NLGN1: variants seen among roughly 807,000 people sequenced by gnomAD.
The protein encoded by NLGN1 is neuroligin-1.
Under a neutral mutation model 65.5 loss-of-function variants are expected in NLGN1, and 12 were observed. The ratio of observed to expected loss-of-function variants is 0.18; its 90% CI spans 0.12 to 0.30. The LOEUF is 0.30. Among genes scored for constraint, NLGN1 ranks in the 10% least tolerant of loss-of-function variants. The pLI is 1.00. For missense variants in NLGN1, 750 were observed against 1,007.1 expected, an observed-to-expected ratio of 0.74 and a Z score of 3.46; for synonymous variants, 350 against 359.5, an observed-to-expected ratio of 0.97 and a Z score of 0.30.
At chr3:174,022,440 AAG>A (rs1358005013) in intron 4 of NLGN1, among the ~76,000 whole-genome samples, 1 of 152,126 alleles carries the variant, frequency 6.6e-6, no homozygotes, top group Non-Finnish European at 1.5e-5. Context: ...TGGAAGATGA[AAG>A]AGAGAGTCAT....
At chr3:173,590,413 G>A (rs1340453953) in intron 2 of NLGN1, among the ~76,000 whole-genome samples, 1 of 152,014 alleles carries the variant, frequency 6.6e-6, no homozygotes, top group Non-Finnish European at 1.5e-5. Context: ...TTCACGCCAC[G>A]GTCTTTAATA....
At chr3:174,021,636 C>T (rs990157251) in intron 4 of NLGN1, among the ~76,000 whole-genome samples, 2 of 152,084 alleles carry the variant, frequency 1.3e-5, no homozygotes, top group Admixed American at 1.3e-4. Context: ...TGAAGAAGCA[C>T]ATCTGGGAAC....
At chr3:174,216,141 C>T (rs573948479) in intron 4 of NLGN1, among the ~76,000 whole-genome samples, 5 of 152,254 alleles carry the variant, frequency 3.3e-5, no homozygotes, top group African/African-American at 9.6e-5. Context: ...TTAAATTGTG[C>T]GCTTTACAAA....
chr3:173,507,776 C>G (rs1469637447), intron 2 of NLGN1, among the ~76,000 whole-genome samples: 1 of 152,008 alleles, frequency 6.6e-6, no homozygotes, highest in African/African-American at 2.4e-5. Flanking sequence ...CCCACTTTTC[C>G]TGACAGTTGT....
intron 4 of NLGN1, among the ~76,000 whole-genome samples, chr3:174,020,086 T>C (rs1306288621): frequency 6.6e-6 from 1 of 152,150 alleles, no homozygotes; most frequent in African/African-American, 2.4e-5. Flanking sequence ...TTGAAAATTT[T>C]TTAAAAAGAT....
intron 2 of NLGN1, among the ~76,000 whole-genome samples, chr3:173,521,664 T>C (rs1005044358): frequency 5.3e-5 from 8 of 152,186 alleles, no homozygotes; most frequent in Non-Finnish European, 1.2e-4. Context: ...CCTCCCAGGC[T>C]GATTAGGAGC....
intron 4 of NLGN1, among the ~76,000 whole-genome samples, chr3:173,881,657 A>G (rs1020365773): frequency 6.6e-6 from 1 of 150,590 alleles, no homozygotes; most frequent in Non-Finnish European, 1.5e-5. Context: ...CGATCTCCTG[A>G]CCTCGTGATC....
intron 4 of NLGN1, among the ~76,000 whole-genome samples, chr3:173,906,399 T>C (rs1738391994): frequency 6.6e-6 from 1 of 152,182 alleles, no homozygotes; most frequent in African/African-American, 2.4e-5. Flanking sequence ...ATATTAATAG[T>C]TGATAAAACT....
chr3:174,246,029 T>C (rs1219609863), intron 4 of NLGN1, among the ~76,000 whole-genome samples: 1 of 152,210 alleles, frequency 6.6e-6, no homozygotes, highest in African/African-American at 2.4e-5. Context: ...GGGAGACACA[T>C]TACATGATCC....
chr3:173,861,370 T>A (rs192836839), intron 4 of NLGN1, among the ~76,000 whole-genome samples: 2 of 151,166 alleles, frequency 1.3e-5, no homozygotes, highest in African/African-American at 2.4e-5. Context: ...TAAAAAAAAA[T>A]GATAATAAAG....
chr3:174,044,484 A>G (rs571719596), intron 4 of NLGN1, among the ~76,000 whole-genome samples: 3 of 152,086 alleles, frequency 2.0e-5, no homozygotes, highest in Non-Finnish European at 4.4e-5. Flanking sequence ...AGTTCAGCAG[A>G]TCTCTAGGGC....
At chr3:173,984,013 C>T (rs1407394712) in intron 4 of NLGN1, among the ~76,000 whole-genome samples, 1 of 152,102 alleles carries the variant, frequency 6.6e-6, no homozygotes, top group East Asian at 1.9e-4. Context: ...AAATTTGGCA[C>T]CACAGGGCTA....
chr3:174,226,288 C>T (rs575235577), intron 4 of NLGN1, among the ~76,000 whole-genome samples: 1 of 152,208 alleles, frequency 6.6e-6, no homozygotes, highest in South Asian at 2.1e-4. Flanking sequence ...TAGCTACTCC[C>T]CCTACCCCCT....
intron 2 of NLGN1, among the ~76,000 whole-genome samples, chr3:173,484,176 T>C (rs550507612): frequency 2.6e-5 from 4 of 152,190 alleles, no homozygotes; most frequent in Admixed American, 2.6e-4. Context: ...ATTTAAAAGA[T>C]ATACAAAGCA....
At chr3:173,846,487 G>T (rs1725816684) in intron 4 of NLGN1, among the ~76,000 whole-genome samples, 1 of 152,150 alleles carries the variant, frequency 6.6e-6, no homozygotes, top group Admixed American at 6.5e-5. Context: ...GTATGGAATG[G>T]ACCTAAGCCT....
chr3:174,270,772 G>A (rs975657957), intron 4 of NLGN1, among the ~76,000 whole-genome samples: 3 of 151,794 alleles, frequency 2.0e-5, no homozygotes, highest in Non-Finnish European at 4.4e-5. Context: ...AGACATGACT[G>A]AACATGGCAA....
intron 4 of NLGN1, among the ~76,000 whole-genome samples, chr3:173,885,484 C>T (rs1236485408): frequency 6.6e-6 from 1 of 151,954 alleles, no homozygotes. Context: ...TATTGTAAAA[C>T]TAAACTACTT....
intron 4 of NLGN1, among the ~76,000 whole-genome samples, chr3:173,902,324 C>T (rs1295354071): frequency 6.6e-6 from 1 of 152,038 alleles, no homozygotes; most frequent in Non-Finnish European, 1.5e-5. Context: ...ATGACTGGCC[C>T]ATGTCTTACT....
At chr3:173,902,301 T>C (rs1486171850) in intron 4 of NLGN1, among the ~76,000 whole-genome samples, 2 of 152,124 alleles carry the variant, frequency 1.3e-5, no homozygotes, top group African/African-American at 4.8e-5. Flanking sequence ...GACCTTTCCA[T>C]AGGAATACAC....
Sources: allele counts gnomAD v4.1 joint callset (sites outside exome capture counted in the v4.1 genomes callset), GRCh38; gene constraint gnomAD v4.1.1; transcripts MANE v1.5; gene names NCBI Gene and HGNC (gene_info 2026-07-23, HGNC 2026-07-21).